Variants in ZNF385B observed in about 807,000 individuals in gnomAD.
ZNF385B encodes zinc finger protein 385B.
Under a neutral mutation model 39.2 loss-of-function variants are expected in ZNF385B, and 23 were observed. That is an observed-to-expected ratio of 0.59 (90% CI 0.42 to 0.83). The LOEUF (loss-of-function observed/expected upper bound fraction) is 0.83, where lower values mean the gene tolerates loss of function less well. Ranked by LOEUF, ZNF385B falls within the 40% of genes least tolerant of loss-of-function variation. The pLI is 0.00. For missense variants in ZNF385B, 552 were observed against 598.9 expected, an observed-to-expected ratio of 0.92 and a Z score of 0.82; for synonymous variants, 205 against 222.6, an observed-to-expected ratio of 0.92 and a Z score of 0.70.
intron 3 of ZNF385B, among the ~76,000 whole-genome samples, chr2:179,689,825 G>A (rs977542059): frequency 9.3e-5 from 4 of 43,230 alleles, no homozygotes; most frequent in African/African-American, 4.3e-4. Flanking sequence ...GTGTGTGTGT[G>A]TTTATTTGTT....
intron 3 of ZNF385B, among the ~76,000 whole-genome samples, chr2:179,618,338 T>C (rs1329174765): frequency 1.3e-5 from 2 of 152,224 alleles, no homozygotes; most frequent in Admixed American, 1.3e-4. Flanking sequence ...CTATGGTTCA[T>C]TTCCACTATA....
intron 3 of ZNF385B, among the ~76,000 whole-genome samples, chr2:179,684,003 G>A (rs1454819654): frequency 6.6e-6 from 1 of 151,936 alleles, no homozygotes; most frequent in East Asian, 1.9e-4. Flanking sequence ...TTTAAAATAA[G>A]AAACGTTATA....
At chr2:179,794,023 T>A (rs978739652) in intron 1 of ZNF385B, among the ~76,000 whole-genome samples, 12 of 152,242 alleles carry the variant, frequency 7.9e-5, no homozygotes, top group African/African-American at 2.4e-4. Context: ...CATTTTGGAG[T>A]GAGACTGTTT....
At chr2:179,469,408 G>A (rs2052487114) in intron 6 of ZNF385B, among the ~76,000 whole-genome samples, 1 of 152,190 alleles carries the variant, frequency 6.6e-6, no homozygotes. Context: ...GGTTGGACAA[G>A]CTTGTTCTAT....
chr2:179,595,196 T>A (rs1218471121), intron 3 of ZNF385B, among the ~76,000 whole-genome samples: 1 of 152,078 alleles, frequency 6.6e-6, no homozygotes, highest in Admixed American at 6.5e-5. Context: ...AGGAAAAAAA[T>A]CATCCATAGG....
At chr2:179,789,728 G>A (rs759896736) in intron 1 of ZNF385B, among the ~76,000 whole-genome samples, 4 of 152,224 alleles carry the variant, frequency 2.6e-5, no homozygotes, top group African/African-American at 4.8e-5. Flanking sequence ...CCTCAATGAC[G>A]CAGATGAGGA....
chr2:179,836,513 C>CTTTTT (rs755278598), intron 1 of ZNF385B, among the ~76,000 whole-genome samples: 6 of 124,180 alleles, frequency 4.8e-5, no homozygotes, highest in African/African-American at 1.3e-4. Context: ...CTTGCGTTTT[C>CTTTTT]TTTTTTTTTT....
At chr2:179,841,423 G>A (rs563402873) in intron 1 of ZNF385B, among the ~76,000 whole-genome samples, 292 of 152,310 alleles carry the variant, frequency 1.9e-3, no homozygotes, top group Non-Finnish European at 2.9e-3. Context: ...TGGGATCTAA[G>A]AACAAAAGGA....
At chr2:179,849,682 G>A (rs982564409) in intron 1 of ZNF385B, among the ~76,000 whole-genome samples, 1 of 152,116 alleles carries the variant, frequency 6.6e-6, no homozygotes, top group African/African-American at 2.4e-5. Context: ...GTGATGAGAG[G>A]AGCAATCAAA....
rs562865571 is a variant in ZNF385B, at chr2:179,608,937, A to T, written c.299-63968T>A. Among the ~76,000 whole-genome samples the T allele has an allele frequency of 2.8e-3, 396 of 142,238 alleles. 2 individuals carry two copies. Among genetic ancestry groups the T allele is most frequent in the African/African-American group, 9.6e-3 (366 of 38,082 alleles). 93.3% of individuals were successfully genotyped at this position (142,238 alleles called of 152,430 possible). ...CCTGGCTTTATTTTCTTTAAAAAAA[A>T]TTTTTATGAGTACAAAGTAGGTGTA... On this transcript the variant is annotated intron_variant, in intron 3 of 9. Coordinates refer to ENST00000410066, the MANE Select transcript of ZNF385B (RefSeq NM_152520.6).
intron 3 of ZNF385B, among the ~76,000 whole-genome samples, chr2:179,735,211 A>T (rs1170814265): frequency 1.4e-4 from 21 of 151,070 alleles, no homozygotes; most frequent in African/African-American, 4.8e-4. Flanking sequence ...CCCATCAAAA[A>T]GTGGGCAAAG....
chr2:179,460,502 A>G (rs971633077), intron 6 of ZNF385B, among the ~76,000 whole-genome samples: 1 of 152,184 alleles, frequency 6.6e-6, no homozygotes. Flanking sequence ...GGTGTAGTTA[A>G]ACGATAACCA....
intron 3 of ZNF385B, among the ~76,000 whole-genome samples, chr2:179,742,073 T>A (rs1468401351): frequency 1.3e-5 from 2 of 152,180 alleles, no homozygotes; most frequent in African/African-American, 2.4e-5. Flanking sequence ...TAGAAATTAA[T>A]TGTATAATAC....
At chr2:179,706,740 G>A (rs991376032) in intron 3 of ZNF385B, among the ~76,000 whole-genome samples, 2 of 152,228 alleles carry the variant, frequency 1.3e-5, no homozygotes, top group Non-Finnish European at 2.9e-5. Flanking sequence ...GTTTCTGACT[G>A]CACTCTGAGC....
chr2:179,689,782 CATGTGT>C (rs763491313), intron 3 of ZNF385B, among the ~76,000 whole-genome samples: 1 of 104,760 alleles, frequency 9.5e-6, no homozygotes, highest in Non-Finnish European at 2.0e-5. Context: ...AGGGCAGGGG[CATGTGT>C]GTGTGTGTGT....
At chr2:179,544,751 G>A (rs1290373174) in intron 4 of ZNF385B, 76 bp downstream of exon 4, 2 of 1,558,770 alleles carry the variant, frequency 1.3e-6, no homozygotes, top group Non-Finnish European at 1.8e-6. Flanking sequence ...GAAACAGGCT[G>A]TATCTATTGA....
At chr2:179,608,934 A>G (rs1184872795) in intron 3 of ZNF385B, among the ~76,000 whole-genome samples, 1 of 151,222 alleles carries the variant, frequency 6.6e-6, no homozygotes, top group Admixed American at 6.6e-5. Context: ...TTCTTTAAAA[A>G]AAATTTTTAT....
At chr2:179,575,695 A>T (rs1685728487) in intron 3 of ZNF385B, among the ~76,000 whole-genome samples, 1 of 152,148 alleles carries the variant, frequency 6.6e-6, no homozygotes. Context: ...AGCAAAAGGG[A>T]GGAAAGAATT....
chr2:179,710,779 C>T (rs927351043), intron 3 of ZNF385B, among the ~76,000 whole-genome samples: 2 of 152,206 alleles, frequency 1.3e-5, no homozygotes, highest in Non-Finnish European at 2.9e-5. Context: ...AGCACAGATG[C>T]TGGTCTCTCC....
Sources: allele counts gnomAD v4.1 joint callset (sites outside exome capture counted in the v4.1 genomes callset), GRCh38; gene constraint gnomAD v4.1.1; transcripts MANE v1.5; gene names NCBI Gene and HGNC (gene_info 2026-07-23, HGNC 2026-07-21).